Variants in TMEM212 observed in about 807,000 individuals in gnomAD.
TMEM212 encodes the protein transmembrane protein 212.
In TMEM212, 23 loss-of-function variants were observed where a neutral mutation model predicts 20.5. That is an observed-to-expected ratio of 1.12 (90% CI 0.81 to 1.59). The LOEUF is 1.59. TMEM212 is among the 40% of genes most tolerant of loss of function. The pLI is 0.00. For synonymous variants in TMEM212, 76 were observed against 81.6 expected, an observed-to-expected ratio of 0.93 and a Z score of 0.37; for missense variants, 211 against 215.0, an observed-to-expected ratio of 0.98 and a Z score of 0.12.
At chr3:171,856,503 T>C (rs773722840) in intron 3 of TMEM212, among the ~76,000 whole-genome samples, 160 bp from the exon 4 acceptor site, 5 of 152,216 alleles carry the variant, frequency 3.3e-5, no homozygotes, top group Non-Finnish European at 5.9e-5. Context: ...GGACTGGCTT[T>C]ATGATGACTG....
chr3:171,851,393 CT>C (rs1724972883), intron 1 of TMEM212, among the ~76,000 whole-genome samples: 1 of 152,218 alleles, frequency 6.6e-6, no homozygotes, highest in African/African-American at 2.4e-5. Flanking sequence ...GAAAAACTCT[CT>C]TTTGAAAGGC....
intron 3 of TMEM212, among the ~76,000 whole-genome samples, chr3:171,855,315 A>G (rs1725088926): frequency 2.6e-5 from 4 of 152,158 alleles, no homozygotes; most frequent in African/African-American, 9.7e-5. Context: ...AAACAAGCAA[A>G]TAAAATATCC....
At chr3:171,853,222 C>A (rs915938059) in intron 2 of TMEM212, among the ~76,000 whole-genome samples, 3 of 151,920 alleles carry the variant, frequency 2.0e-5, no homozygotes, top group Non-Finnish European at 4.4e-5. Flanking sequence ...GGGCTTAATA[C>A]CTACGTGATA....
intron 1 of TMEM212, among the ~76,000 whole-genome samples, chr3:171,846,600 T>C (rs1391629980): frequency 6.6e-6 from 1 of 152,212 alleles, no homozygotes; most frequent in East Asian, 1.9e-4. Context: ...CTCCGTTCTG[T>C]TGGTACAGAA....
chr3:171,858,669 C>T lies in TMEM212; in HGVS notation c.*612C>T, dbSNP rs1219181474. Reference sequence around the variant, plus strand: ...AACGGGAGAAAATTTTTTCAATCTACCCATCTGACAAACAGCTAATATCCA... The same window carrying T: ...AACGGGAGAAAATTTTTTCAATCTATCCATCTGACAAACAGCTAATATCCA... On this transcript the variant is annotated 3_prime_UTR_variant, in exon 5 of 5. Transcript: ENST00000334567. 1.3e-5 allele frequency: 2 copies of T among 151,450 alleles called. No individual in the cohort carries two copies. Among genetic ancestry groups the T allele is most frequent in the South Asian group, 2.1e-4 (1 of 4,828 alleles). The allele number at this position is 151,450 out of a possible 1,614,324, so 9.4% of individuals were successfully genotyped here.
At chr3:171,847,585 G>C (rs1724865915) in intron 1 of TMEM212, among the ~76,000 whole-genome samples, 1 of 152,260 alleles carries the variant, frequency 6.6e-6, no homozygotes, top group East Asian at 1.9e-4. Flanking sequence ...GGGAAAAAGA[G>C]ACATCAATAT....
chr3:171,853,141 C>T (rs1230543301), intron 2 of TMEM212, among the ~76,000 whole-genome samples: 1 of 152,074 alleles, frequency 6.6e-6, no homozygotes, highest in Non-Finnish European at 1.5e-5. Context: ...ATATATTATT[C>T]TCCTCTGGTG....
intron 1 of TMEM212, among the ~76,000 whole-genome samples, chr3:171,849,901 C>T (rs895755326): frequency 3.3e-5 from 5 of 152,170 alleles, no homozygotes; most frequent in East Asian, 3.9e-4. Flanking sequence ...CTGAGGGAGG[C>T]GAGTGCAGGA....
intron 2 of TMEM212, among the ~76,000 whole-genome samples, chr3:171,852,740 C>A (rs745918716): frequency 9.2e-5 from 14 of 152,224 alleles, no homozygotes; most frequent in Admixed American, 7.9e-4. Context: ...TCTATGCTAT[C>A]TTGCATTTCA....
chr3:171,852,056 G>T lies in TMEM212; in HGVS notation c.219+15G>T. The stretch of plus-strand genomic sequence containing the variant: ...AGAGGTACCTGGTAAATATACCGAT[G>T]CCAAGTAGGATGGTAGAGAGGCTTT... On this transcript the variant is annotated intron_variant, in intron 2 of 4. Coordinates refer to ENST00000334567, the MANE Select transcript of TMEM212 (RefSeq NM_001164436.2). 6.5e-7 allele frequency: 1 copy of T among 1,533,342 alleles called. No homozygotes were observed. Among genetic ancestry groups the T allele is most frequent in the Non-Finnish European group, 8.7e-7 (1 of 1,143,476 alleles). The allele number at this position is 1,533,342 out of a possible 1,614,324, so 95.0% of individuals were successfully genotyped here. A position where few individuals can be genotyped will look rare whatever the true frequency, so the allele number is the denominator to read the frequency against.
At chr3:171,855,401 T>A (rs546752980) in intron 3 of TMEM212, among the ~76,000 whole-genome samples, 1 of 152,104 alleles carries the variant, frequency 6.6e-6, no homozygotes, top group African/African-American at 2.4e-5. Flanking sequence ...TCACTTGAGG[T>A]CAGGAGTTCA....
intron 2 of TMEM212, among the ~76,000 whole-genome samples, chr3:171,853,204 T>C (rs1268994805): frequency 2.0e-5 from 3 of 152,096 alleles, no homozygotes; most frequent in East Asian, 1.9e-4. Flanking sequence ...GAATAGCTAA[T>C]GGGTGCTGGG....
rs369478302 is a variant in TMEM212 at position 171,844,310 on chromosome 3, G to T, written c.159+768G>T. On this transcript the variant is annotated intron_variant, in intron 1 of 4. Transcript: ENST00000334567. ...TAAGAGAAGTTACAGAGACCCACCT[G>T]TCCAACAAATCCTTCTCTCATTGAT... 9.2e-5 allele frequency among the ~76,000 whole-genome samples: 14 copies of T among 152,290 alleles called. 1 individual carries two copies. The South Asian group carries it at 1.0e-3, about 11-fold the overall frequency.
Position 171,853,709 on chromosome 3 carries a change from C to T in TMEM212, c.402C>T (p.Ala134=). The change falls in exon 3 of 5, where the codon GCC becomes GCT. Residue 134 remains alanine (A), a synonymous_variant. Transcript: ENST00000334567. ...FPYPYAKFPL[A]CVDPPHYEEY... ...ATCCATATGCAAAATTCCCATTAGCCTGTGTGGACCCACCACACTACGAAG... is the reference window on the plus strand; with the variant it reads ...ATCCATATGCAAAATTCCCATTAGCTTGTGTGGACCCACCACACTACGAAG... 5 of 1,537,526 alleles carry T rather than the reference C, an allele frequency of 3.3e-6. No homozygotes were observed. Among genetic ancestry groups the T allele is most frequent in the Non-Finnish European group, 4.4e-6 (5 of 1,146,944 alleles).
intron 1 of TMEM212, among the ~76,000 whole-genome samples, chr3:171,850,502 C>T (rs974654142): frequency 1.3e-5 from 2 of 152,202 alleles, no homozygotes; most frequent in African/African-American, 4.8e-5. Flanking sequence ...AGCAGAGGGG[C>T]GTGAGCCTGT....
At position 171,852,078 on chromosome 3, in the gene TMEM212, C is replaced by T. The variant is rs371339011; in HGVS notation, c.219+37C>T. The stretch of plus-strand genomic sequence containing the variant: ...GATGCCAAGTAGGATGGTAGAGAGG[C>T]TTTGAAGGTCAAATCACTACTAAGT... On this transcript the variant is annotated intron_variant, in intron 2 of 4. Transcript: ENST00000334567. 33 of 1,462,596 alleles carry T rather than the reference C, an allele frequency of 2.3e-5. No homozygotes were observed. In the Admixed American group the frequency reaches 2.6e-4, roughly 11 times the overall value. The allele number at this position is 1,462,596 out of a possible 1,614,324, so 90.6% of individuals were successfully genotyped here.
intron 1 of TMEM212, among the ~76,000 whole-genome samples, chr3:171,847,597 G>C (rs1398797013): frequency 6.6e-6 from 1 of 152,144 alleles, no homozygotes. Context: ...CATCAATATA[G>C]AACAAGGTTC....
chr3:171,853,716 G>T lies in TMEM212; in HGVS notation c.409G>T (p.Asp137Tyr), dbSNP rs1407318294. ...TGCAAAATTCCCATTAGCCTGTGTG[G>T]ACCCACCACACTACGAAGAGTACCA... ...PYAKFPLACV[D>Y]PPHYEEYHLT... Residue 137 changes from aspartate to tyrosine, a missense_variant, in exon 3 of 5, where the codon GAC becomes TAC. Asp to Tyr is a radical substitution (Grantham distance 160, BLOSUM62 -3). Transcript: ENST00000334567. 2.0e-6 allele frequency: 3 copies of T among 1,537,246 alleles called. No individual in the cohort carries two copies. The Admixed American group carries it at 5.9e-5, about 30-fold the overall frequency.
rs1725199938 is a variant in TMEM212 at position 171,859,297 on chromosome 3, A to G, written c.*1240A>G. ...ACATGTACCCTAGAACTTAGAGTATAATAAAAAAAAAGAAAACAGTGTGGA... is the reference window on the plus strand; with the variant it reads ...ACATGTACCCTAGAACTTAGAGTATGATAAAAAAAAAGAAAACAGTGTGGA... On this transcript the variant is annotated 3_prime_UTR_variant, in exon 5 of 5. Coordinates refer to ENST00000334567, the MANE Select transcript of TMEM212 (RefSeq NM_001164436.2). 6.6e-6 allele frequency: 1 copy of G among 152,156 alleles called. No homozygotes were observed. The highest frequency in any genetic ancestry group is 2.4e-5 in the African/African-American group (1 of 41,430). The allele number at this position is 152,156 out of a possible 1,614,324, so 9.4% of individuals were successfully genotyped here.
Sources: allele counts gnomAD v4.1 joint callset (sites outside exome capture counted in the v4.1 genomes callset), GRCh38; gene constraint gnomAD v4.1.1; transcripts MANE v1.5; gene names NCBI Gene and HGNC (gene_info 2026-07-23, HGNC 2026-07-21).